GBF1: variants seen among roughly 807,000 people sequenced by gnomAD.
The protein encoded by GBF1 is golgi brefeldin A resistant guanine nucleotide exchange factor 1, also known as Golgi-specific brefeldin A-resistance guanine nucleotide exchange factor 1.
In GBF1, 114 loss-of-function variants were observed where a neutral mutation model predicts 210.5. The observed-to-expected ratio is 0.54, with a 90% CI of 0.47 to 0.63. GBF1 has a LOEUF of 0.63. GBF1 is among the 30% of genes least tolerant of loss of function. The pLI, the probability that GBF1 is intolerant of heterozygous loss-of-function variation, is 0.00. For synonymous variants in GBF1, 850 were observed against 889.2 expected (o/e 0.96, Z 0.78); for missense variants, 1,851 against 2,357.7 (o/e 0.79, Z 4.45).
chr10:102,276,003 G>C (rs368333476), intron 3 of GBF1, among the ~76,000 whole-genome samples: 17 of 152,162 alleles, frequency 1.1e-4, no homozygotes, highest in Non-Finnish European at 2.2e-4. Context: ...TTGGGAGGCC[G>C]AGGCAGGTGG....
At chr10:102,270,024 G>A (rs1405916144) in intron 3 of GBF1, among the ~76,000 whole-genome samples, 5 of 151,188 alleles carry the variant, frequency 3.3e-5, no homozygotes, top group African/African-American at 7.3e-5. Context: ...GACTACAGGC[G>A]GCCGCCACCA....
chr10:102,336,316 A>G (rs1194895508), intron 3 of GBF1, among the ~76,000 whole-genome samples: 9 of 140,068 alleles, frequency 6.4e-5, no homozygotes, highest in African/African-American at 2.5e-4. Context: ...AAAAAAAAAG[A>G]AAAAAAAAAA....
chr10:102,254,789 T>C (rs1002857218), intron 1 of GBF1, among the ~76,000 whole-genome samples: 11 of 152,250 alleles, frequency 7.2e-5, no homozygotes, highest in East Asian at 1.9e-4. Flanking sequence ...TCTCTTGTTA[T>C]TTCTGACACA....
At chr10:102,375,231 C>G (rs2060429355) in intron 29 of GBF1, 128 bp from the exon 30 acceptor site, 1 of 628,338 alleles carries the variant, frequency 1.6e-6, no homozygotes, top group Admixed American at 2.7e-5. Flanking sequence ...AGAGCAGTAT[C>G]CTAAATTGGG....
intron 3 of GBF1, among the ~76,000 whole-genome samples, chr10:102,275,192 A>G (rs935074089): frequency 6.6e-6 from 1 of 152,076 alleles, no homozygotes; most frequent in Non-Finnish European, 1.5e-5. Context: ...TTATGTTGCT[A>G]AAAGAATGAG....
chr10:102,232,655 C>G, the GBF1 span, among the ~76,000 whole-genome samples: 96 of 152,310 alleles, frequency 6.3e-4, no homozygotes, highest in South Asian at 1.7e-3. Context: ...GCACTCCAGC[C>G]TGGGTGACAG....
the GBF1 span, among the ~76,000 whole-genome samples, chr10:102,233,535 C>T: frequency 7.9e-5 from 12 of 152,088 alleles, no homozygotes; most frequent in South Asian, 2.1e-4. Flanking sequence ...AACTCCTCAT[C>T]GCAGGTGATC....
At chr10:102,309,542 T>C (rs2078225336) in intron 3 of GBF1, among the ~76,000 whole-genome samples, 1 of 152,240 alleles carries the variant, frequency 6.6e-6, no homozygotes, top group African/African-American at 2.4e-5. Flanking sequence ...GCTGAGTTTG[T>C]GGCTTTTTAA....
intron 33 of GBF1, among the ~76,000 whole-genome samples, chr10:102,378,097 AGT>A (rs2060616888): frequency 6.6e-6 from 1 of 151,942 alleles, no homozygotes; most frequent in Non-Finnish European, 1.5e-5. Context: ...AGGCGCCTGT[AGT>A]CCCAGCTACT....
At chr10:102,316,631 A>G (rs981700224) in intron 3 of GBF1, among the ~76,000 whole-genome samples, 52 of 152,250 alleles carry the variant, frequency 3.4e-4, no homozygotes, top group Non-Finnish European at 6.3e-4. Flanking sequence ...CCTGACAATC[A>G]GAAATCATAG....
intron 3 of GBF1, among the ~76,000 whole-genome samples, chr10:102,331,882 C>G (rs2057360940): frequency 1.1e-5 from 1 of 93,712 alleles, no homozygotes; most frequent in Admixed American, 1.4e-4. Context: ...TTTTTTGAGA[C>G]AGCGTCTGGC....
chr10:102,375,090 C>T (rs1035915340), intron 29 of GBF1, among the ~76,000 whole-genome samples: 20 of 151,900 alleles, frequency 1.3e-4, no homozygotes, highest in Non-Finnish European at 2.9e-5. Context: ...AGGAGGATCA[C>T]TTGAGCCCAG....
At chr10:102,274,869 G>A (rs776534131) in intron 3 of GBF1, among the ~76,000 whole-genome samples, 1 of 151,462 alleles carries the variant, frequency 6.6e-6, no homozygotes, top group Non-Finnish European at 1.5e-5. Flanking sequence ...CCACCACCAC[G>A]CCAGACTAAT....
the GBF1 span, chr10:102,230,736 G>A: frequency 6.7e-7 from 1 of 1,499,744 alleles, no homozygotes; most frequent in Non-Finnish European, 8.9e-7. Context: ...CGGAGGACAC[G>A]GCGGCCGGAG....
chr10:102,336,145 A>T (rs796185585), intron 3 of GBF1, among the ~76,000 whole-genome samples: 5 of 152,148 alleles, frequency 3.3e-5, no homozygotes, highest in African/African-American at 1.2e-4. Flanking sequence ...ACTAGAAAAT[A>T]CAAAAATTAG....
At chr10:102,352,082 G>C in intron 6 of GBF1, 131 bp downstream of exon 6, 1 of 663,992 alleles carries the variant, frequency 1.5e-6, no homozygotes. Flanking sequence ...GATCATAGGG[G>C]TCTAGAAGAA....
chr10:102,382,504 C>T lies in GBF1; in HGVS notation c.*168C>T. The T allele has an allele frequency of 1.7e-6, 1 of 592,866 alleles. No homozygotes were observed. Among genetic ancestry groups the T allele is most frequent in the African/African-American group, 1.9e-5 (1 of 53,412 alleles). The allele number at this position is 592,866 out of a possible 1,614,324, so 36.7% of individuals were successfully genotyped here. A position where few individuals can be genotyped will look rare whatever the true frequency, so the allele number is the denominator to read the frequency against. On this transcript the variant is annotated 3_prime_UTR_variant, in exon 40 of 40. Coordinates refer to ENST00000369983, the MANE Select transcript of GBF1 (RefSeq NM_001377137.1). Reference sequence around the variant, plus strand: ...ATGTTGATAGCCCCAGCTAAGACCCCCAATCAGCTGTGGGACCTTTTTCCT... The same window carrying T: ...ATGTTGATAGCCCCAGCTAAGACCCTCAATCAGCTGTGGGACCTTTTTCCT...
intron 3 of GBF1, among the ~76,000 whole-genome samples, chr10:102,269,497 G>T (rs927837843): frequency 6.6e-6 from 1 of 152,116 alleles, no homozygotes; most frequent in African/African-American, 2.4e-5. Flanking sequence ...CACTGGGGAA[G>T]AAAAGGATCA....
At chr10:102,308,722 T>C (rs1171088751) in intron 3 of GBF1, among the ~76,000 whole-genome samples, 2 of 131,254 alleles carry the variant, frequency 1.5e-5, no homozygotes, top group African/African-American at 5.8e-5. Flanking sequence ...CTGGGGACTG[T>C]TGTGGGGTAG....
Sources: allele counts gnomAD v4.1 joint callset (sites outside exome capture counted in the v4.1 genomes callset), GRCh38; gene constraint gnomAD v4.1.1; transcripts MANE v1.5; gene names NCBI Gene and HGNC (gene_info 2026-07-23, HGNC 2026-07-21).